Variants in GAB4 observed in about 807,000 individuals in gnomAD.
The protein encoded by GAB4 is GRB2 associated binding protein family member 4.
In GAB4, 26 loss-of-function variants were observed where a neutral mutation model predicts 51.3. That is an observed-to-expected ratio of 0.51 (90% confidence interval 0.37 to 0.70). The LOEUF (loss-of-function observed/expected upper bound fraction) is 0.70, where lower values mean the gene tolerates loss of function less well. GAB4 is among the 30% of genes least tolerant of loss of function. The pLI is 0.00. For synonymous variants in GAB4, 329 were observed against 291.2 expected, an observed-to-expected ratio of 1.13 and a Z score of -1.32; for missense variants, 759 against 734.6, an observed-to-expected ratio of 1.03 and a Z score of -0.38.
chr22:16,978,348 A>G (rs1601262193), intron 3 of GAB4, among the ~76,000 whole-genome samples: 1 of 152,224 alleles, frequency 6.6e-6, no homozygotes, highest in South Asian at 2.1e-4. Context: ...GATAAAGTGG[A>G]TATCACCACC....
intron 1 of GAB4, among the ~76,000 whole-genome samples, chr22:16,993,034 G>A (rs1269171356): frequency 6.6e-6 from 1 of 152,004 alleles, no homozygotes; most frequent in East Asian, 1.9e-4. Flanking sequence ...TATATCCCTA[G>A]TACTTATAAT....
At chr22:16,974,945 G>A (rs1237461208) in intron 3 of GAB4, among the ~76,000 whole-genome samples, 4 of 152,206 alleles carry the variant, frequency 2.6e-5, no homozygotes, top group Non-Finnish European at 5.9e-5. Flanking sequence ...GGGAAGCCGA[G>A]AGGGACTGTG....
chr22:16,973,267 A>G (rs1209738535), intron 3 of GAB4, among the ~76,000 whole-genome samples: 1 of 152,192 alleles, frequency 6.6e-6, no homozygotes, highest in East Asian at 1.9e-4. Flanking sequence ...ACCCTGTCTT[A>G]TTCATCTTTC....
Position 17,008,085 on chromosome 22 carries a change from C to G in GAB4, c.30G>C (p.Arg10=). Reference sequence around the variant, plus strand: ...ATGCCGGGTCAGGTGGGCACAGCTCCCGGGAGGGTGAGGGGGACGGCAGGG... The same window carrying G: ...ATGCCGGGTCAGGTGGGCACAGCTCGCGGGAGGGTGAGGGGGACGGCAGGG... MSLPSPSPS[R]ELCPPDPAFA... Residue 10 remains arginine, a synonymous_variant, in exon 1 of 10, where the codon CGG becomes CGC. Coordinates refer to ENST00000400588, the MANE Select transcript of GAB4 (RefSeq NM_001037814.1). 1.2e-6 allele frequency: 2 copies of G among 1,607,652 alleles called. No individual in the cohort carries two copies. The highest frequency in any genetic ancestry group is 1.7e-6 in the Non-Finnish European group (2 of 1,177,138).
chr22:16,962,917 G>T lies in GAB4; in HGVS notation c.1582-41C>A, dbSNP rs1203072532. Reference sequence around the variant, plus strand: ...TGGAAGTGGGAGTGGCAGTGTCTGTGAGTTCCTGGTGAGGAAGGGCAGGCC... The same window carrying T: ...TGGAAGTGGGAGTGGCAGTGTCTGTTAGTTCCTGGTGAGGAAGGGCAGGCC... On this transcript the variant is annotated intron_variant, in intron 9 of 9. Transcript: ENST00000400588. The T allele has an allele frequency of 3.2e-6, 5 of 1,586,896 alleles. No individual in the cohort carries two copies. The East Asian group carries it at 1.1e-4, about 36-fold the overall frequency.
chr22:16,969,865 G>T, intron 4 of GAB4, 78 bp downstream of exon 4: 1 of 1,542,388 alleles, frequency 6.5e-7, no homozygotes, highest in Non-Finnish European at 8.9e-7. Flanking sequence ...GGGGTGGCCG[G>T]AACACCACTA....
chr22:16,978,594 A>G (rs559782183), intron 3 of GAB4, among the ~76,000 whole-genome samples: 2 of 152,328 alleles, frequency 1.3e-5, no homozygotes, highest in East Asian at 3.9e-4. Context: ...GCCGAATTCT[A>G]GCAGAGGCAC....
At position 17,008,064 on chromosome 22, in the gene GAB4, C is replaced by T. The variant is rs748645912; in HGVS notation, c.51G>A (p.Pro17=). Residue 17 remains proline, a synonymous_variant, in exon 1 of 10, where the codon CCG becomes CCA. Transcript: ENST00000400588. The part of the protein sequence containing the change: ...SPSRELCPPD[P]AFAPLSSWPG... ...GCCACGAAGACAAAGGCGCAAATGC[C>T]GGGTCAGGTGGGCACAGCTCCCGGG... The T allele has an allele frequency of 3.1e-6, 5 of 1,607,950 alleles. No homozygotes were observed. Among genetic ancestry groups the T allele is most frequent in the South Asian group, 1.1e-5 (1 of 89,792 alleles).
chr22:16,976,641 A>T (rs1266133456), intron 3 of GAB4, among the ~76,000 whole-genome samples: 11 of 152,214 alleles, frequency 7.2e-5, no homozygotes, highest in African/African-American at 2.4e-4. Context: ...AAGAGAAGCC[A>T]ACATTCAAAT....
At position 16,966,497 on chromosome 22, in the gene GAB4, G is replaced by A. The variant is rs2060676763; in HGVS notation, c.1024-133C>T. 5.5e-6 allele frequency: 5 copies of A among 910,238 alleles called. No individual in the cohort carries two copies. In the South Asian group the frequency reaches 7.2e-5, roughly 13 times the overall value. The allele number at this position is 910,238 out of a possible 1,614,324, so 56.4% of individuals were successfully genotyped here. ...AAACTTTTGATCACCTTGGCTGGGG[G>A]CTGCTGTCTTCAGCAGCCACCTGCG... On this transcript the variant is annotated intron_variant, in intron 5 of 9. Transcript: ENST00000400588.
rs778632607 is a variant in GAB4, at chr22:17,006,436, AAGAC to A, written c.174+1501_174+1504del. Among the ~76,000 whole-genome samples the A allele has an allele frequency of 3.3e-5, 5 of 152,148 alleles. 1 individual carries two copies. The highest frequency in any genetic ancestry group is 5.9e-5 in the Non-Finnish European group (4 of 68,000). On this transcript the variant is annotated intron_variant, in intron 1 of 9. Coordinates refer to ENST00000400588, the MANE Select transcript of GAB4 (RefSeq NM_001037814.1). ...GTGTAAATTAGTTCAACTATTGTCA[AAGAC>A]AGTGTGGCGACTCCTCAAGGATCAA...
chr22:16,967,363 C>A (rs547008106), intron 5 of GAB4: 4 of 153,148 alleles, frequency 2.6e-5, no homozygotes, highest in South Asian at 2.1e-4. Flanking sequence ...GCAGCACAGA[C>A]CATGCACCAT....
intron 3 of GAB4, among the ~76,000 whole-genome samples, chr22:16,974,025 A>C (rs1170692841): frequency 1.3e-5 from 2 of 152,202 alleles, no homozygotes; most frequent in Non-Finnish European, 2.9e-5. Flanking sequence ...ACATGCCTGA[A>C]ATTACCTACT....
chr22:16,995,075 C>T (rs2060940454), intron 1 of GAB4, among the ~76,000 whole-genome samples: 1 of 152,176 alleles, frequency 6.6e-6, no homozygotes, highest in South Asian at 2.1e-4. Context: ...TTGCATTCAT[C>T]CTATAAACGC....
At chr22:16,964,680 G>A (rs2060657050) in intron 8 of GAB4, 86 bp downstream of exon 8, 3 of 923,532 alleles carry the variant, frequency 3.2e-6, no homozygotes, top group Non-Finnish European at 5.1e-6. Context: ...TGAGTCAGCT[G>A]AGGTAGCTAA....
chr22:16,991,737 C>T (rs1166461119), intron 2 of GAB4, 136 bp downstream of exon 2: 13 of 733,866 alleles, frequency 1.8e-5, no homozygotes, highest in African/African-American at 1.8e-5. Flanking sequence ...TCTGAAGAAA[C>T]ACCAAAAATG....
At position 16,967,035 on chromosome 22, in the gene GAB4, TCAAA is replaced by T. The variant is rs2060681878; in HGVS notation, c.1024-675_1024-672del. The stretch of plus-strand genomic sequence containing the variant: ...GAGTGACCTTGGAAAGACTCTGAAA[TCAAA>T]GTAGAGGCAAGAAAAAAATGAGATG... On this transcript the variant is annotated intron_variant, in intron 5 of 9. Transcript: ENST00000400588. The T allele has an allele frequency of 2.6e-5, 4 of 152,340 alleles. No individual in the cohort carries two copies. The East Asian group carries it at 7.7e-4, about 29-fold the overall frequency. The allele number at this position is 152,340 out of a possible 1,614,324, so 9.4% of individuals were successfully genotyped here.
intron 1 of GAB4, among the ~76,000 whole-genome samples, chr22:17,006,258 A>C (rs2061038869): frequency 1.3e-5 from 2 of 152,228 alleles, no homozygotes; most frequent in Non-Finnish European, 2.9e-5. Flanking sequence ...TGGCCAACAA[A>C]CATGAAAAAA....
intron 5 of GAB4, chr22:16,966,586 G>T: frequency 3.6e-6 from 2 of 553,072 alleles, no homozygotes; most frequent in South Asian, 4.9e-5. Context: ...AGCCTCAGGG[G>T]TCAGACTTTG....
Sources: allele counts gnomAD v4.1 joint callset (sites outside exome capture counted in the v4.1 genomes callset), GRCh38; gene constraint gnomAD v4.1.1; transcripts MANE v1.5; gene names NCBI Gene and HGNC (gene_info 2026-07-23, HGNC 2026-07-21).